CDYL: variants seen among roughly 807,000 people sequenced by gnomAD.
The protein encoded by CDYL is chromodomain Y like, also known as chromodomain Y-like protein.
Under a neutral mutation model 47.3 loss-of-function variants are expected in CDYL, and 8 were observed. That is an observed-to-expected ratio of 0.17 (90% CI 0.10 to 0.31). CDYL has a LOEUF of 0.31. CDYL is among the 10% of genes least tolerant of loss of function. The pLI is 1.00. For synonymous variants in CDYL, 266 were observed against 265.0 expected (o/e 1.00, Z -0.04); for missense variants, 471 against 701.4 (o/e 0.67, Z 3.71).
intron 1 of CDYL, among the ~76,000 whole-genome samples, chr6:4,788,729 C>A (rs1758832553): frequency 6.6e-6 from 1 of 151,444 alleles, no homozygotes. Flanking sequence ...CTGTGCTTCC[C>A]CACCACCATT....
At chr6:4,866,005 C>T (rs1761308863) in intron 1 of CDYL, among the ~76,000 whole-genome samples, 1 of 152,152 alleles carries the variant, frequency 6.6e-6, no homozygotes, top group Non-Finnish European at 1.5e-5. Flanking sequence ...TTTCTTTACA[C>T]ACTAGGCCAG....
rs756989501 is a variant in CDYL at position 4,943,552 on chromosome 6, C to T, written c.1128C>T (p.Phe376=). ...STKMAEAIRN[F]VNTFIQFKKP... ...CATTTATTTTTCATTTTAGAAACTT[C>T]GTGAATACTTTCATTCAATTTAAGA... The change falls in exon 5 of 7, where the codon TTC becomes TTT. Residue 376 remains phenylalanine (F), a synonymous_variant. Coordinates refer to ENST00000397588, the MANE Select transcript of CDYL (RefSeq NM_004824.4). 4 of 1,594,822 alleles carry T rather than the reference C, an allele frequency of 2.5e-6. No individual in the cohort carries two copies. The highest frequency in any genetic ancestry group is 2.6e-6 in the Non-Finnish European group (3 of 1,165,838).
intron 3 of CDYL, among the ~76,000 whole-genome samples, chr6:4,739,182 T>C (rs575397160): frequency 1.4e-5 from 2 of 140,870 alleles, no homozygotes; most frequent in Admixed American, 7.2e-5. Context: ...AAATAAATAA[T>C]TAAATAATAA....
intron 5 of CDYL, among the ~76,000 whole-genome samples, chr6:4,945,268 G>C (rs1481639575): frequency 6.6e-6 from 1 of 152,174 alleles, no homozygotes; most frequent in African/African-American, 2.4e-5. Flanking sequence ...GCTGCCTGAA[G>C]GTTTATGGGA....
intron 1 of CDYL, among the ~76,000 whole-genome samples, chr6:4,878,700 T>C (rs1761683540): frequency 1.3e-5 from 2 of 152,136 alleles, no homozygotes; most frequent in African/African-American, 4.8e-5. Flanking sequence ...GCTATATCAA[T>C]TTAAATAATA....
chr6:4,808,588 GTAAA>G (rs1449588140), intron 1 of CDYL, among the ~76,000 whole-genome samples: 2 of 152,182 alleles, frequency 1.3e-5, no homozygotes, highest in African/African-American at 4.8e-5. Flanking sequence ...TGATGTTTTT[GTAAA>G]TAAAGTTTTA....
intron 1 of CDYL, among the ~76,000 whole-genome samples, chr6:4,867,474 T>C (rs1761353548): frequency 6.6e-6 from 1 of 152,144 alleles, no homozygotes; most frequent in African/African-American, 2.4e-5. Context: ...GATTTCCTTA[T>C]CAAGTTGAGA....
chr6:4,950,918 G>A (rs935579642), intron 5 of CDYL, among the ~76,000 whole-genome samples: 2 of 144,024 alleles, frequency 1.4e-5, no homozygotes, highest in East Asian at 2.1e-4. Flanking sequence ...GGCGACAGAA[G>A]GAGACTCCGT....
upstream of CDYL, among the ~76,000 whole-genome samples, chr6:4,773,976 A>G (rs1758377528): frequency 6.6e-6 from 1 of 152,124 alleles, no homozygotes; most frequent in Non-Finnish European, 1.5e-5. The surrounding 1 kb of genome is among the most constrained non-coding windows in gnomAD (Gnocchi z 4.6). Flanking sequence ...CTAGCTCAAT[A>G]TCTGGATATG....
chr6:4,815,527 A>G (rs920707215), intron 1 of CDYL, among the ~76,000 whole-genome samples: 2 of 152,174 alleles, frequency 1.3e-5, no homozygotes, highest in African/African-American at 4.8e-5. Context: ...GTATAACCAG[A>G]TTGCCTTCCA....
intron 1 of CDYL, among the ~76,000 whole-genome samples, chr6:4,858,853 ATC>A (rs1430563995): frequency 2.6e-5 from 4 of 152,234 alleles, no homozygotes; most frequent in Non-Finnish European, 5.9e-5. Context: ...CAGAAATGAT[ATC>A]TTTCATAGGG....
Position 4,734,765 on chromosome 6 carries a change from C to A in CDYL, c.107C>A (p.Ser36Ter). Residue 36 changes from serine to a stop codon, truncating the protein, a stop_gained, in exon 3 of 9, where the codon TCA becomes TAA. Transcript: ENST00000328908. LOFTEE classifies it high-confidence loss of function. Reference sequence around the variant, plus strand: ...CTTTCTCATTATTCTGTGCTAGTGTCAGCACCAGATGGGCCTTCAGACCCC... The same window carrying A: ...CTTTCTCATTATTCTGTGCTAGTGTAAGCACCAGATGGGCCTTCAGACCCC... The A allele has an allele frequency of 6.2e-7, 1 of 1,614,106 alleles. No individual in the cohort carries two copies. The highest frequency in any genetic ancestry group is 8.5e-7 in the Non-Finnish European group (1 of 1,180,016).
chr6:4,801,192 C>G (rs1233143708), intron 1 of CDYL, among the ~76,000 whole-genome samples: 1 of 152,138 alleles, frequency 6.6e-6, no homozygotes, highest in Admixed American at 6.5e-5. Flanking sequence ...ATGTTTTGTT[C>G]AGATCTAGGC....
intron 1 of CDYL, among the ~76,000 whole-genome samples, chr6:4,889,583 T>C (rs1761985356): frequency 6.6e-6 from 1 of 152,198 alleles, no homozygotes; most frequent in Admixed American, 6.5e-5. Context: ...ATGTGTGAGT[T>C]ATAAAATTCA....
chr6:4,896,478 A>G (rs1762287991), intron 2 of CDYL, among the ~76,000 whole-genome samples: 1 of 152,224 alleles, frequency 6.6e-6, no homozygotes, highest in Non-Finnish European at 1.5e-5. Flanking sequence ...CATGGAAGAC[A>G]AGGGTTGTTG....
At chr6:4,843,022 T>G (rs1419191193) in intron 1 of CDYL, among the ~76,000 whole-genome samples, 2 of 152,222 alleles carry the variant, frequency 1.3e-5, no homozygotes, top group East Asian at 1.9e-4. Context: ...TCTCTCAGTA[T>G]TTGTCTTAAA....
At chr6:4,730,655 CAA>C (rs1297590857) in intron 2 of CDYL, among the ~76,000 whole-genome samples, 2 of 104,160 alleles carry the variant, frequency 1.9e-5, no homozygotes, top group Non-Finnish European at 3.6e-5. Context: ...GCCTGGGCAA[CAA>C]GAGCGAAATT....
At chr6:4,936,367 T>A (rs1340063668) in intron 3 of CDYL, among the ~76,000 whole-genome samples, 4 of 152,172 alleles carry the variant, frequency 2.6e-5, no homozygotes, top group African/African-American at 9.7e-5. Flanking sequence ...TTGTGAAGTT[T>A]CTAGAATCGG....
At chr6:4,860,818 G>A (rs1761148617) in intron 1 of CDYL, among the ~76,000 whole-genome samples, 1 of 151,986 alleles carries the variant, frequency 6.6e-6, no homozygotes, top group Non-Finnish European at 1.5e-5. Flanking sequence ...GAAAGATGTA[G>A]GCTGGGAGGC....
Sources: allele counts gnomAD v4.1 joint callset (sites outside exome capture counted in the v4.1 genomes callset), GRCh38; gene constraint gnomAD v4.1.1; non-coding constraint Gnocchi (gnomAD v3.1); transcripts MANE v1.5; gene names NCBI Gene and HGNC (gene_info 2026-07-23, HGNC 2026-07-21).